SCD5: variants seen among roughly 807,000 people sequenced by gnomAD.
SCD5 encodes stearoyl-CoA desaturase 5.
A neutral mutation model predicts 30.4 loss-of-function variants in SCD5; 20 were observed. That is an observed-to-expected ratio of 0.66 (90% CI 0.46 to 0.96). SCD5 has a LOEUF of 0.96. Ranked by LOEUF, SCD5 falls within the 40% of genes least tolerant of loss-of-function variation. The probability of loss-of-function intolerance (pLI) is 0.00; values close to 1 mark genes in which losing one functional copy is unlikely to be tolerated. For synonymous variants in SCD5, 173 were observed against 176.4 expected (o/e 0.98, Z 0.16); for missense variants, 381 against 443.3 (o/e 0.86, Z 1.26).
rs781135557 is a variant in SCD5 at position 82,661,118 on chromosome 4, G to A, written c.569+19589C>T. On this transcript the variant is annotated intron_variant, in intron 3 of 4. Coordinates refer to ENST00000319540, the MANE Select transcript of SCD5 (RefSeq NM_001037582.3). ...GAAAATGACTGAGAGTTCCACCCAGGTTTGTTCAGCAAGGGTTTAATTTCT... is the reference window on the plus strand; with the variant it reads ...GAAAATGACTGAGAGTTCCACCCAGATTTGTTCAGCAAGGGTTTAATTTCT... 5.7e-6 allele frequency: 9 copies of A among 1,588,112 alleles called. No individual in the cohort carries two copies. The East Asian group carries it at 1.8e-4, about 32-fold the overall frequency.
At chr4:82,789,475 T>C (rs998185797) in intron 1 of SCD5, among the ~76,000 whole-genome samples, 1 of 152,066 alleles carries the variant, frequency 6.6e-6, no homozygotes, top group African/African-American at 2.4e-5. Flanking sequence ...TTCCGTGGGG[T>C]CGGTGAGGTC....
At chr4:82,652,026 G>T (rs1480221145) in intron 3 of SCD5, among the ~76,000 whole-genome samples, 1 of 152,192 alleles carries the variant, frequency 6.6e-6, no homozygotes, top group Non-Finnish European at 1.5e-5. Context: ...GGTCTGGAGT[G>T]GGGCATGAGA....
intron 3 of SCD5, among the ~76,000 whole-genome samples, chr4:82,653,247 T>C (rs1727793257): frequency 6.6e-6 from 1 of 152,210 alleles, no homozygotes; most frequent in African/African-American, 2.4e-5. Flanking sequence ...TTGAATGGTT[T>C]AAATCTTGGT....
At chr4:82,741,284 G>T (rs1466795411) in intron 1 of SCD5, among the ~76,000 whole-genome samples, 1 of 152,068 alleles carries the variant, frequency 6.6e-6, no homozygotes, top group Admixed American at 6.5e-5. Context: ...GTTTTGTTTG[G>T]TCAATAGAAT....
At chr4:82,669,794 ACCTTCGGGAG>A (rs1285479925) in intron 3 of SCD5, among the ~76,000 whole-genome samples, 1 of 152,178 alleles carries the variant, frequency 6.6e-6, no homozygotes, top group Admixed American at 6.5e-5. Context: ...AACAAGACCT[ACCTTCGGGAG>A]AAACTAGTTA....
intron 3 of SCD5, among the ~76,000 whole-genome samples, chr4:82,662,077 G>C (rs879768780): frequency 4.6e-5 from 7 of 152,174 alleles, no homozygotes; most frequent in Non-Finnish European, 7.3e-5. Context: ...TTATGAGACA[G>C]GGTCTCCCTG....
At chr4:82,719,163 T>C (rs1720300930) in intron 1 of SCD5, among the ~76,000 whole-genome samples, 1 of 151,850 alleles carries the variant, frequency 6.6e-6, no homozygotes, top group Non-Finnish European at 1.5e-5. Context: ...TCCTGAAACA[T>C]GGAAAGATCT....
intron 1 of SCD5, among the ~76,000 whole-genome samples, chr4:82,709,981 C>T (rs565380124): frequency 8.6e-4 from 131 of 152,302 alleles, no homozygotes; most frequent in African/African-American, 3.0e-3. Flanking sequence ...ATTTGCAAAA[C>T]TGAGACCCAG....
intron 1 of SCD5, among the ~76,000 whole-genome samples, chr4:82,745,172 C>T (rs1720954529): frequency 6.6e-6 from 1 of 152,168 alleles, no homozygotes; most frequent in Non-Finnish European, 1.5e-5. Flanking sequence ...TCTTCAAGGT[C>T]CTCACAGTCC....
chr4:82,753,322 T>G (rs145320068), intron 1 of SCD5: 88 of 528,704 alleles, frequency 1.7e-4, no homozygotes, highest in African/African-American at 1.5e-3. Flanking sequence ...GGGTGGGGGG[T>G]TCTGTGTATG....
chr4:82,665,287 T>G (rs1728161838), intron 3 of SCD5, among the ~76,000 whole-genome samples: 1 of 142,374 alleles, frequency 7.0e-6, no homozygotes, highest in African/African-American at 2.6e-5. Flanking sequence ...TTAAAAAAAT[T>G]AAATATAATG....
chr4:82,785,071 T>G (rs557908995), intron 1 of SCD5, among the ~76,000 whole-genome samples: 1 of 152,334 alleles, frequency 6.6e-6, no homozygotes, highest in African/African-American at 2.4e-5. Context: ...CTCTGCCAAG[T>G]AAAGTGCAGA....
At chr4:82,735,874 G>A (rs1041232768) in intron 1 of SCD5, among the ~76,000 whole-genome samples, 10 of 152,318 alleles carry the variant, frequency 6.6e-5, no homozygotes, top group African/African-American at 2.2e-4. Flanking sequence ...TGGTTAAACT[G>A]GTTTCATTAT....
At chr4:82,762,790 T>C (rs1721405600) in intron 1 of SCD5, among the ~76,000 whole-genome samples, 1 of 152,198 alleles carries the variant, frequency 6.6e-6, no homozygotes, top group Middle Eastern at 3.4e-3. Flanking sequence ...AGGAAAAAAA[T>C]ATAGTGACAC....
chr4:82,644,880 T>G (rs6535365), intron 3 of SCD5, among the ~76,000 whole-genome samples: 139,137 of 152,246 alleles, frequency 0.91, 63,654 homozygotes, highest in East Asian at 1. Flanking sequence ...TTCCAATTAT[T>G]GTAAAATGTT....
chr4:82,759,884 T>C (rs1193403878), intron 1 of SCD5, among the ~76,000 whole-genome samples: 1 of 152,136 alleles, frequency 6.6e-6, no homozygotes, highest in Non-Finnish European at 1.5e-5. Context: ...CTCTTAAAGG[T>C]AATAATTCCT....
rs1169575204 is a variant in SCD5 at position 82,630,649 on chromosome 4, T to C, written c.*678A>G. 6.6e-6 allele frequency: 1 copy of C among 152,148 alleles called. No homozygotes were observed. The highest frequency in any genetic ancestry group is 1.5e-5 in the Non-Finnish European group (1 of 68,032). 9.4% of individuals were successfully genotyped at this position (152,148 alleles called of 1,614,324 possible). A position where few individuals can be genotyped will look rare whatever the true frequency, so the allele number is the denominator to read the frequency against. On this transcript the variant is annotated 3_prime_UTR_variant, in exon 5 of 5. Coordinates refer to ENST00000319540, the MANE Select transcript of SCD5 (RefSeq NM_001037582.3). Reference sequence around the variant, plus strand: ...ACACTCTAATGTTAAATCGTAGTAATATTGACTTGAAAAGTTTTTTAGGCT... The same window carrying C: ...ACACTCTAATGTTAAATCGTAGTAACATTGACTTGAAAAGTTTTTTAGGCT...
chr4:82,786,536 A>C (rs1460157671), intron 1 of SCD5, among the ~76,000 whole-genome samples: 1 of 152,144 alleles, frequency 6.6e-6, no homozygotes, highest in Non-Finnish European at 1.5e-5. Context: ...GCAGTGGCTC[A>C]TGCTTGTAAT....
At chr4:82,746,451 A>T (rs1022471572) in intron 1 of SCD5, among the ~76,000 whole-genome samples, 1 of 152,170 alleles carries the variant, frequency 6.6e-6, no homozygotes, top group Non-Finnish European at 1.5e-5. Context: ...TTTGGCTTTC[A>T]TCTGAGACCA....
Sources: gnomAD v4.1 joint callset for allele counts (sites outside exome capture counted in the v4.1 genomes callset) on GRCh38, gnomAD v4.1.1 for gene constraint, MANE v1.5 for transcripts, NCBI Gene and HGNC (gene_info 2026-07-23, HGNC 2026-07-21) for gene names.